TNFSF4: variants seen among roughly 807,000 people sequenced by gnomAD.
TNFSF4 encodes the protein tumor necrosis factor ligand superfamily member 4.
Under a neutral mutation model 7.3 loss-of-function variants are expected in TNFSF4, and 4 were observed. The observed-to-expected ratio is 0.55, with a 90% CI of 0.27 to 1.25. TNFSF4 has a LOEUF of 1.25. Ranked by LOEUF, TNFSF4 falls within the 50% of genes most tolerant of loss-of-function variation. The pLI, the probability that TNFSF4 is intolerant of heterozygous loss-of-function variation, is 0.12. For synonymous variants in TNFSF4, 76 were observed against 83.7 expected (o/e 0.91, Z 0.50); for missense variants, 181 against 208.8 (o/e 0.87, Z 0.82).
At chr1:173,269,376 G>A in the TNFSF4 span, among the ~76,000 whole-genome samples, 11 of 152,192 alleles carry the variant, frequency 7.2e-5, no homozygotes, top group African/African-American at 2.6e-4. Context: ...TCTTACCATA[G>A]GTGTTAGCAA....
the TNFSF4 span, among the ~76,000 whole-genome samples, chr1:173,386,504 T>C: frequency 1.3e-5 from 2 of 152,124 alleles, no homozygotes; most frequent in Non-Finnish European, 1.5e-5. Flanking sequence ...AAAGCCCTCA[T>C]TAAGGCAATG....
chr1:173,337,182 T>G, the TNFSF4 span, among the ~76,000 whole-genome samples: 1 of 152,142 alleles, frequency 6.6e-6, no homozygotes, highest in African/African-American at 2.4e-5. Context: ...CCCTAGGATT[T>G]TGGAGCAAAA....
chr1:173,202,984 CA>C (rs1650010804), intron 1 of TNFSF4, among the ~76,000 whole-genome samples: 2 of 152,126 alleles, frequency 1.3e-5, no homozygotes, highest in Non-Finnish European at 2.9e-5. Flanking sequence ...CTCATCTTCC[CA>C]TTGTCCCTTG....
At chr1:173,442,699 C>T in the TNFSF4 span, among the ~76,000 whole-genome samples, 26 of 151,700 alleles carry the variant, frequency 1.7e-4, no homozygotes, top group South Asian at 2.1e-3. Flanking sequence ...TACAGGCACC[C>T]GCCACCATGC....
the TNFSF4 span, among the ~76,000 whole-genome samples, chr1:173,258,000 A>T: frequency 2.0e-5 from 3 of 152,180 alleles, no homozygotes; most frequent in Non-Finnish European, 4.4e-5. Context: ...GAGTCAAAGT[A>T]AGTCAGCTTG....
At chr1:173,436,154 T>A in the TNFSF4 span, among the ~76,000 whole-genome samples, 29 of 152,160 alleles carry the variant, frequency 1.9e-4, no homozygotes, top group African/African-American at 7.0e-4. Context: ...AAGCAGACAC[T>A]GAGACAAGGA....
chr1:173,416,004 C>T, the TNFSF4 span, among the ~76,000 whole-genome samples: 4 of 152,184 alleles, frequency 2.6e-5, no homozygotes, highest in African/African-American at 7.2e-5. Flanking sequence ...TGCAGCAAAC[C>T]GATGGGGCAG....
the TNFSF4 span, among the ~76,000 whole-genome samples, chr1:173,366,957 G>A: frequency 0.29 from 43,611 of 152,040 alleles, 6,713 homozygotes; most frequent in East Asian, 0.45. Flanking sequence ...CTGGGCCCTC[G>A]CTTTACAGGC....
the TNFSF4 span, among the ~76,000 whole-genome samples, chr1:173,292,988 G>C: frequency 6.6e-6 from 1 of 152,068 alleles, no homozygotes; most frequent in Non-Finnish European, 1.5e-5. Flanking sequence ...AAAGAAATCT[G>C]AGGTGACAAA....
chr1:173,310,493 G>A, the TNFSF4 span, among the ~76,000 whole-genome samples: 1 of 151,654 alleles, frequency 6.6e-6, no homozygotes, highest in South Asian at 2.1e-4. Flanking sequence ...TGCTTTAATT[G>A]CACTGTCATT....
At chr1:173,248,217 C>T in the TNFSF4 span, among the ~76,000 whole-genome samples, 6 of 151,904 alleles carry the variant, frequency 3.9e-5, no homozygotes, top group Admixed American at 3.9e-4. Flanking sequence ...ATTAGCTGGG[C>T]CTGGTGGCAC....
the TNFSF4 span, among the ~76,000 whole-genome samples, chr1:173,408,297 G>C: frequency 6.6e-6 from 1 of 151,894 alleles, no homozygotes; most frequent in East Asian, 1.9e-4. Context: ...GAACAGGCAA[G>C]AAAATATACA....
the TNFSF4 span, among the ~76,000 whole-genome samples, chr1:173,272,499 C>T: frequency 6.6e-6 from 1 of 151,840 alleles, no homozygotes; most frequent in Non-Finnish European, 1.5e-5. Context: ...AAGATGGATA[C>T]CTAATCGTTT....
At chr1:173,209,795 G>T (rs959791169), upstream of TNFSF4, among the ~76,000 whole-genome samples, 7 of 152,148 alleles carry the variant, frequency 4.6e-5, 1 homozygote, top group Admixed American at 3.9e-4. Flanking sequence ...CAGCCACCAA[G>T]CCTGGTGGCA....
chr1:173,416,704 C>T, the TNFSF4 span, among the ~76,000 whole-genome samples: 2 of 150,914 alleles, frequency 1.3e-5, no homozygotes, highest in Non-Finnish European at 2.9e-5. Context: ...TTTTGGCTCA[C>T]TGCAACCTCA....
the TNFSF4 span, among the ~76,000 whole-genome samples, chr1:173,443,138 C>A: frequency 5.3e-5 from 8 of 152,134 alleles, no homozygotes; most frequent in African/African-American, 1.9e-4. Context: ...TACCGCTGGC[C>A]ATGTATATCA....
chr1:173,220,117 G>A, the TNFSF4 span, among the ~76,000 whole-genome samples: 1 of 151,926 alleles, frequency 6.6e-6, no homozygotes, highest in Non-Finnish European at 1.5e-5. Flanking sequence ...TTTATTCAAA[G>A]TGGTTTCTTT....
chr1:173,273,286 T>A, the TNFSF4 span, among the ~76,000 whole-genome samples: 1 of 152,182 alleles, frequency 6.6e-6, no homozygotes, highest in East Asian at 1.9e-4. Flanking sequence ...TGATGTTTGT[T>A]CTTGCTTCAA....
At chr1:173,361,781 T>C in the TNFSF4 span, among the ~76,000 whole-genome samples, 2 of 152,210 alleles carry the variant, frequency 1.3e-5, no homozygotes, top group Non-Finnish European at 2.9e-5. Context: ...GCTACAAACC[T>C]ACTCATCAGA....
Sources: gnomAD v4.1 joint callset for allele counts (sites outside exome capture counted in the v4.1 genomes callset) on GRCh38, gnomAD v4.1.1 for gene constraint, MANE v1.5 for transcripts, NCBI Gene and HGNC (gene_info 2026-07-23, HGNC 2026-07-21) for gene names.